The following H2BW2 variants were observed in gnomAD, a reference collection of about 807,000 sequenced individuals.
H2BW2 encodes the protein histone H2B type F-M.
A neutral mutation model predicts 9.2 loss-of-function variants in H2BW2; 8 were observed. The observed-to-expected ratio is 0.87, with a 90% CI of 0.51 to 1.57. The LOEUF (loss-of-function observed/expected upper bound fraction) is 1.57. Among genes scored for constraint, H2BW2 ranks in the 40% most tolerant of loss-of-function variants. H2BW2 has a pLI of 0.00. For synonymous variants in H2BW2, 80 were observed against 56.8 expected (o/e 1.41, Z -1.84); for missense variants, 193 against 137.3 (o/e 1.41, Z -2.03).
At chrX:104,042,081 C>G (rs2075206761) in intron 3 of H2BW2, 31 bp from the exon 4 acceptor site, 1 of 112,539 alleles carries the variant, frequency 8.9e-6, no homozygotes, top group Non-Finnish European at 1.9e-5. Flanking sequence ...GAAGTCCACT[C>G]ATTGGGATCT....
chrX:104,041,300 C>T (rs1556344350), intron 3 of H2BW2, 194 bp downstream of exon 3: 1 of 138,556 alleles, frequency 7.2e-6, no homozygotes, highest in African/African-American at 3.2e-5. Flanking sequence ...CAGTGTGATT[C>T]TTTACCTGAT....
intron 2 of H2BW2, 73 bp from the exon 3 acceptor site, chrX:104,041,015 C>A: frequency 1.6e-6 from 1 of 606,847 alleles, no homozygotes; most frequent in East Asian, 3.6e-5. Flanking sequence ...CCAGCTTCCC[C>A]GACTCTGAGA....
chrX:104,041,584 G>T (rs1256632814), intron 3 of H2BW2: 2 of 111,853 alleles, frequency 1.8e-5, no homozygotes, highest in African/African-American at 6.5e-5. Flanking sequence ...TTCAGAGCAG[G>T]TGCTCACTTT....
chrX:104,039,986 G>A lies in H2BW2; in HGVS notation c.-9G>A. 2 of 1,154,500 alleles carry A rather than the reference G, an allele frequency of 1.7e-6. No individual in the cohort carries two copies. The highest frequency in any genetic ancestry group is 1.2e-6 in the Non-Finnish European group (1 of 867,625). On this transcript the variant is annotated 5_prime_UTR_variant, in exon 1 of 4. Coordinates refer to ENST00000675318, the MANE Select transcript of H2BW2 (RefSeq NM_001388464.1). ...CTGTTCTTGCTATCTAATGGCCGCT[G>A]CTTCCGCCATGGCTGAGGCTTCCTC... is the stretch of plus-strand genomic sequence containing the variant.
rs782093178 is a variant in H2BW2, at chrX:104,039,981, C to T, written c.-14C>T. On this transcript the variant is annotated 5_prime_UTR_variant, in exon 1 of 4. Coordinates refer to ENST00000675318, the MANE Select transcript of H2BW2 (RefSeq NM_001388464.1). ...ACTCTCTGTTCTTGCTATCTAATGG[C>T]CGCTGCTTCCGCCATGGCTGAGGCT... 24 of 1,148,130 alleles carry T rather than the reference C, an allele frequency of 2.1e-5. No homozygotes were observed. In the African/African-American group the frequency reaches 3.3e-4, roughly 16 times the overall value. 94.6% of individuals were successfully genotyped at this position (1,148,130 alleles called of 1,213,427 possible).
intron 3 of H2BW2, chrX:104,041,324 T>G (rs2075203607): frequency 7.4e-6 from 1 of 136,044 alleles, no homozygotes. Flanking sequence ...TTTGTTTGCA[T>G]TGCTTGTAAT....
intron 2 of H2BW2, 50 bp from the exon 3 acceptor site, chrX:104,041,038 T>C: frequency 1.9e-6 from 1 of 528,845 alleles, no homozygotes; most frequent in Non-Finnish European, 3.0e-6. Context: ...ACTATTGTAA[T>C]TCATTCTCTT....
chrX:104,042,095 A>G lies in H2BW2; in HGVS notation c.*42-17A>G, dbSNP rs1414065240. 8.9e-6 allele frequency: 1 copy of G among 112,680 alleles called. No homozygotes were observed. The highest frequency in any genetic ancestry group is 9.3e-5 in the Admixed American group (1 of 10,699). 9.3% of individuals were successfully genotyped at this position (112,680 alleles called of 1,213,427 possible). ...AGAAGTCCACTCATTGGGATCTGTT[A>G]CTTTCTGTTTTTCCAGATTATTAGA... On this transcript the variant is annotated splice_polypyrimidine_tract_variant and intron_variant, in intron 3 of 3. Transcript: ENST00000675318.
rs1556343720 is a variant in H2BW2 at position 104,040,147 on chromosome X, G to A, written c.153G>A (p.Gly51=). 1 of 1,183,148 alleles carries A rather than the reference G, an allele frequency of 8.5e-7. No homozygotes were observed. The highest frequency in any genetic ancestry group is 2.4e-5 in the Admixed American group (1 of 41,899). ...RHANRRGDSF[G]DSFTPYFPRV... Reference sequence around the variant, plus strand: ...CCAACCGCCGTGGGGACAGCTTCGGGGACAGCTTCACCCCCTATTTCCCCC... The same window carrying A: ...CCAACCGCCGTGGGGACAGCTTCGGAGACAGCTTCACCCCCTATTTCCCCC... Residue 51 remains glycine (G), a synonymous_variant, in exon 1 of 4, where the codon GGG becomes GGA. Transcript: ENST00000675318.
At position 104,040,220 on chromosome X, in the gene H2BW2, G is replaced by T; in HGVS notation, c.226G>T (p.Val76Leu). 8.4e-7 allele frequency: 1 copy of T among 1,193,079 alleles called. No homozygotes were observed. Among genetic ancestry groups the T allele is most frequent in the Non-Finnish European group, 1.1e-6 (1 of 886,075 alleles). ...HQGLSLSQEA[V>L]SVMDSMIHDI... ...GGGCCTCAGCCTTTCCCAGGAGGCC[G>T]TGAGTGTCATGGATTCTATGATCCA... Residue 76 changes from valine (V) to leucine (L), a missense_variant, in exon 1 of 4, where the codon GTG becomes TTG. Coordinates refer to ENST00000675318, the MANE Select transcript of H2BW2 (RefSeq NM_001388464.1).
chrX:104,040,574 G>A (rs1556344130), intron 1 of H2BW2, among the ~76,000 whole-genome samples, 170 bp downstream of exon 1: 1 of 112,686 alleles, frequency 8.9e-6, no homozygotes, highest in African/African-American at 3.2e-5. Context: ...GGCATGTGCC[G>A]TGTGGCCTCC....
chrX:104,040,842 C>T lies in H2BW2; in HGVS notation c.425C>T (p.Ala142Val), dbSNP rs1308397305. ...GGATTTTCCAGAACTTCATTATGTG[C>T]GATATGGCAACAGAGAAAGTGAATA... is the stretch of plus-strand genomic sequence containing the variant. ...TNAALRTSLC[A>V]IWQQRK The change falls in exon 2 of 4, where the codon GCG becomes GTG. Residue 142 changes from alanine (A) to valine (V), a missense_variant. Coordinates refer to ENST00000675318, the MANE Select transcript of H2BW2 (RefSeq NM_001388464.1). 1.2e-5 allele frequency: 11 copies of T among 946,855 alleles called. No individual in the cohort carries two copies. Among genetic ancestry groups the T allele is most frequent in the East Asian group, 9.2e-5 (3 of 32,492 alleles). The allele number at this position is 946,855 out of a possible 1,213,427, so 78.0% of individuals were successfully genotyped here.
chrX:104,040,612 G>A (rs1458296338), intron 1 of H2BW2, among the ~76,000 whole-genome samples: 1 of 112,552 alleles, frequency 8.9e-6, no homozygotes, highest in Non-Finnish European at 1.9e-5. Flanking sequence ...TTTTCCCACA[G>A]TGCAAAACAC....
rs1414065240 is a variant in H2BW2, at chrX:104,042,095, A to T, written c.*42-17A>T. The T allele has an allele frequency of 2.7e-5, 3 of 112,680 alleles. No individual in the cohort carries two copies. The highest frequency in any genetic ancestry group is 9.7e-5 in the African/African-American group (3 of 30,925). 9.3% of individuals were successfully genotyped at this position (112,680 alleles called of 1,213,427 possible). On this transcript the variant is annotated splice_polypyrimidine_tract_variant and intron_variant, in intron 3 of 3. Transcript: ENST00000675318. ...AGAAGTCCACTCATTGGGATCTGTT[A>T]CTTTCTGTTTTTCCAGATTATTAGA...
intron 3 of H2BW2, 73 bp downstream of exon 3, chrX:104,041,179 A>G: frequency 3.6e-6 from 1 of 277,081 alleles, no homozygotes; most frequent in African/African-American, 2.7e-5. Flanking sequence ...ACAGCCAATG[A>G]GTGACCTGCA....
In H2BW2 at chrX:104,041,934, A is replaced by G. The variant is rs183003501; in HGVS notation, c.*42-178A>G. The G allele has an allele frequency of 1.1e-4, 12 of 111,812 alleles. No homozygotes were observed. The East Asian group carries it at 3.4e-3, about 31-fold the overall frequency. 9.2% of individuals were successfully genotyped at this position (111,812 alleles called of 1,213,427 possible). A position where few individuals can be genotyped will look rare whatever the true frequency, so the allele number is the denominator to read the frequency against. On this transcript the variant is annotated intron_variant, in intron 3 of 3. Coordinates refer to ENST00000675318, the MANE Select transcript of H2BW2 (RefSeq NM_001388464.1). ...ACATAGATTATTCCACCATTTAAAG[A>G]GGACCCCTTGGTCAAGAGGGAAACA...
intron 3 of H2BW2, 167 bp from the exon 4 acceptor site, chrX:104,041,945 G>C (rs1324373754): frequency 1.8e-5 from 2 of 111,700 alleles, no homozygotes; most frequent in East Asian, 5.6e-4. Flanking sequence ...GGACCCCTTG[G>C]TCAAGAGGGA....
At position 104,040,218 on chromosome X, in the gene H2BW2, C is replaced by T. The variant is rs782773366; in HGVS notation, c.224C>T (p.Ala75Val). Residue 75 changes from alanine to valine, a missense_variant, in exon 1 of 4, where the codon GCC (alanine) becomes GTC (valine). Physicochemically the swap from Ala to Val is moderately conservative, Grantham distance 64. Transcript: ENST00000675318. ...VHQGLSLSQE[A>V]VSVMDSMIHD... ...CAGGGCCTCAGCCTTTCCCAGGAGGCCGTGAGTGTCATGGATTCTATGATC... is the reference window on the plus strand; with the variant it reads ...CAGGGCCTCAGCCTTTCCCAGGAGGTCGTGAGTGTCATGGATTCTATGATC... The T allele has an allele frequency of 5.0e-6, 6 of 1,192,573 alleles. No individual in the cohort carries two copies. The highest frequency in any genetic ancestry group is 2.3e-5 in the Admixed American group (1 of 43,657).
chrX:104,039,998 G>A lies in H2BW2; in HGVS notation c.4G>A (p.Ala2Thr). 2 of 1,160,894 alleles carry A rather than the reference G, an allele frequency of 1.7e-6. No individual in the cohort carries two copies. The highest frequency in any genetic ancestry group is 3.3e-5 in the East Asian group (1 of 30,727). The change falls in exon 1 of 4, where the codon GCT (alanine) becomes ACT (threonine). Residue 2 changes from alanine (A) to threonine (T), a missense_variant. Physicochemically the swap from Ala to Thr is moderately conservative, Grantham distance 58. Transcript: ENST00000675318. ...TCTAATGGCCGCTGCTTCCGCCATGGCTGAGGCTTCCTCTGAGACAACCTC... is the reference window on the plus strand; with the variant it reads ...TCTAATGGCCGCTGCTTCCGCCATGACTGAGGCTTCCTCTGAGACAACCTC... The part of the protein sequence containing the change: M[A>T]EASSETTSEE...
Sources: allele counts gnomAD v4.1 joint callset (sites outside exome capture counted in the v4.1 genomes callset), GRCh38; gene constraint gnomAD v4.1.1; transcripts MANE v1.5; gene names NCBI Gene and HGNC (gene_info 2026-07-23, HGNC 2026-07-21).